Variants in ATXN7L1 observed in about 807,000 individuals in gnomAD.
ATXN7L1 encodes ataxin 7 like 1, also known as ataxin-7-like protein 1.
In ATXN7L1, 15 loss-of-function variants were observed where a neutral mutation model predicts 70.8. The observed-to-expected ratio is 0.21, with a 90% CI of 0.14 to 0.33. The LOEUF is 0.33. Among genes scored for constraint, ATXN7L1 ranks in the 10% least tolerant of loss-of-function variants. The pLI is 1.00. For missense variants in ATXN7L1, 975 were observed against 1,097.1 expected (o/e 0.89, Z 1.57); for synonymous variants, 440 against 445.1 (o/e 0.99, Z 0.14).
At chr7:105,619,676 C>G (rs1794646894) in intron 9 of ATXN7L1, among the ~76,000 whole-genome samples, 1 of 149,730 alleles carries the variant, frequency 6.7e-6, no homozygotes, top group South Asian at 2.1e-4. Flanking sequence ...CCAGGCCTTT[C>G]AAGTAGCTAG....
intron 3 of ATXN7L1, among the ~76,000 whole-genome samples, chr7:105,751,016 C>T (rs189283302): frequency 2.3e-3 from 345 of 152,246 alleles, no homozygotes; most frequent in Non-Finnish European, 3.2e-3. Context: ...GTAATAATGG[C>T]ATAGGATTAT....
chr7:105,853,239 A>C (rs1414341829), intron 2 of ATXN7L1, among the ~76,000 whole-genome samples: 3 of 152,216 alleles, frequency 2.0e-5, no homozygotes, highest in Non-Finnish European at 4.4e-5. Flanking sequence ...AGTTACATAT[A>C]TTTTTAAAAG....
intron 3 of ATXN7L1, among the ~76,000 whole-genome samples, chr7:105,703,448 G>T (rs983477361): frequency 5.9e-5 from 9 of 152,186 alleles, no homozygotes; most frequent in Non-Finnish European, 1.2e-4. Context: ...ATCAAAGTGA[G>T]CCACATTCCA....
intron 2 of ATXN7L1, chr7:105,819,597 G>C (rs1257625577): frequency 1.5e-5 from 14 of 931,246 alleles, no homozygotes; most frequent in African/African-American, 1.1e-4. Context: ...GGTGGAGGTC[G>C]TACGCTGTGA....
intron 2 of ATXN7L1, among the ~76,000 whole-genome samples, chr7:105,818,633 T>C (rs902448403): frequency 1.3e-5 from 2 of 152,156 alleles, no homozygotes; most frequent in African/African-American, 4.8e-5. Flanking sequence ...CTTACCAAAT[T>C]AAGATAATTC....
intron 2 of ATXN7L1, among the ~76,000 whole-genome samples, chr7:105,831,412 C>T (rs1310801427): frequency 6.6e-6 from 1 of 152,124 alleles, no homozygotes; most frequent in Non-Finnish European, 1.5e-5. Flanking sequence ...TTCCAATTTC[C>T]AACTCTGTGG....
At chr7:105,692,363 TTC>T (rs534564994) in intron 3 of ATXN7L1, among the ~76,000 whole-genome samples, 30 of 149,578 alleles carry the variant, frequency 2.0e-4, no homozygotes, top group African/African-American at 3.7e-4. Flanking sequence ...CTGGATGAAT[TTC>T]TTTCTTTCCT....
chr7:105,649,439 C>T (rs1168244675), intron 4 of ATXN7L1: 27 of 987,672 alleles, frequency 2.7e-5, no homozygotes, highest in Middle Eastern at 2.8e-4. Context: ...TAGTTGCCCA[C>T]GTCTTCTTCC....
intron 3 of ATXN7L1, among the ~76,000 whole-genome samples, chr7:105,706,455 C>T (rs1793179149): frequency 6.6e-6 from 1 of 152,118 alleles, no homozygotes; most frequent in African/African-American, 2.4e-5. Flanking sequence ...CTTGGCCTCC[C>T]AAAGTGCTGG....
intron 3 of ATXN7L1, among the ~76,000 whole-genome samples, chr7:105,686,467 G>T (rs1350473598): frequency 1.3e-5 from 2 of 152,174 alleles, no homozygotes; most frequent in Non-Finnish European, 2.9e-5. Context: ...AGTGAGCCAA[G>T]ATTGTGCCAT....
intron 2 of ATXN7L1, among the ~76,000 whole-genome samples, chr7:105,865,455 G>T (rs1347688669): frequency 6.6e-6 from 1 of 151,072 alleles, no homozygotes; most frequent in Non-Finnish European, 1.5e-5. Context: ...AGGCTGGGGT[G>T]CAGTGGCGCG....
At chr7:105,780,650 C>T (rs1330549766) in intron 3 of ATXN7L1, among the ~76,000 whole-genome samples, 1 of 151,712 alleles carries the variant, frequency 6.6e-6, no homozygotes, top group Non-Finnish European at 1.5e-5. Flanking sequence ...GGACTAGTGC[C>T]AAGTGTGGCA....
intron 3 of ATXN7L1, among the ~76,000 whole-genome samples, chr7:105,768,007 T>C (rs1217043589): frequency 6.6e-6 from 1 of 152,230 alleles, no homozygotes; most frequent in East Asian, 1.9e-4. Flanking sequence ...TTTGTGCTTG[T>C]TTTGAACATT....
chr7:105,776,760 C>T (rs1394266327), intron 3 of ATXN7L1, among the ~76,000 whole-genome samples: 2 of 152,094 alleles, frequency 1.3e-5, no homozygotes, highest in African/African-American at 4.8e-5. Context: ...TGTTTATCCA[C>T]CTGTTTATCC....
At chr7:105,827,629 A>G (rs1811061972) in intron 2 of ATXN7L1, among the ~76,000 whole-genome samples, 1 of 152,172 alleles carries the variant, frequency 6.6e-6, no homozygotes, top group Non-Finnish European at 1.5e-5. Flanking sequence ...CGACTGAGGG[A>G]TGTGAGTAAG....
Position 105,620,244 on chromosome 7 carries a change from T to C in ATXN7L1, c.1473A>G (p.Ala491=). The change falls in exon 9 of 12, where the codon GCA becomes GCG. Residue 491 remains alanine (A), a synonymous_variant. Transcript: ENST00000419735. ...GGTGTTTTTCTACCATGGAGTTTAG[T>C]GCGAATCGAAAACGATCCCATCTTC... ...FDRRWDRFRF[A]LNSMVEKHLN... The C allele has an allele frequency of 6.4e-7, 1 of 1,551,560 alleles. No individual in the cohort carries two copies. Among genetic ancestry groups the C allele is most frequent in the Non-Finnish European group, 8.7e-7 (1 of 1,146,900 alleles).
At chr7:105,798,695 C>T (rs962107538) in intron 2 of ATXN7L1, among the ~76,000 whole-genome samples, 1 of 152,224 alleles carries the variant, frequency 6.6e-6, no homozygotes, top group Non-Finnish European at 1.5e-5. Context: ...TCCTTGTAGG[C>T]AACTGAATTC....
chr7:105,788,339 C>T (rs909856666), intron 3 of ATXN7L1: 126 of 398,280 alleles, frequency 3.2e-4, no homozygotes, highest in African/African-American at 2.3e-3. Flanking sequence ...CATCGCTAGG[C>T]TGGGCAGATG....
intron 3 of ATXN7L1, among the ~76,000 whole-genome samples, chr7:105,786,946 C>T (rs763775861): frequency 4.6e-5 from 7 of 152,164 alleles, no homozygotes; most frequent in South Asian, 2.1e-4. Flanking sequence ...TCTCACAAGA[C>T]GCACAGAAGC....
Sources: gnomAD v4.1 joint callset for allele counts (sites outside exome capture counted in the v4.1 genomes callset) on GRCh38, gnomAD v4.1.1 for gene constraint, MANE v1.5 for transcripts, NCBI Gene and HGNC (gene_info 2026-07-23, HGNC 2026-07-21) for gene names.